GABRB3: variants seen among roughly 807,000 people sequenced by gnomAD.
GABRB3 encodes the protein gamma-aminobutyric acid type A receptor subunit beta3, also known as gamma-aminobutyric acid receptor subunit beta-3.
A neutral mutation model predicts 52.1 loss-of-function variants in GABRB3; 14 were observed. That is an observed-to-expected ratio of 0.27 (90% CI 0.18 to 0.42). The LOEUF (loss-of-function observed/expected upper bound fraction) is 0.42. GABRB3 is among the 10% of genes least tolerant of loss of function. GABRB3 has a pLI of 1.00. For synonymous variants in GABRB3, 260 were observed against 232.3 expected (o/e 1.12, Z -1.08); for missense variants, 307 against 609.1 (o/e 0.50, Z 5.22).
In GABRB3 at chr15:26,719,026, G is replaced by A. The variant is rs147173657; in HGVS notation, c.240+53376C>T. On this transcript the variant is annotated intron_variant, in intron 3 of 8. Coordinates refer to ENST00000311550, the MANE Select transcript of GABRB3 (RefSeq NM_000814.6). ...CAGGCCCCTCTGTGCATCTCCTCAT[G>A]GTCCCCACCGCCACCTGGCAAGTGG... Among the ~76,000 whole-genome samples the A allele has an allele frequency of 3.2e-3, 492 of 152,334 alleles. 5 individuals are homozygous for A. The highest frequency in any genetic ancestry group is 0.011 in the African/African-American group (449 of 41,580).
intron 4 of GABRB3, chr15:26,611,933 A>C (rs902519555): frequency 2.0e-5 from 3 of 152,216 alleles, no homozygotes; most frequent in African/African-American, 7.2e-5. Context: ...TTTCACATAA[A>C]TGTTCGCATT....
chr15:26,742,058 T>G (rs1165034721), intron 3 of GABRB3, among the ~76,000 whole-genome samples: 2 of 151,968 alleles, frequency 1.3e-5, no homozygotes, highest in African/African-American at 2.4e-5. Context: ...TTTTTTATAC[T>G]GGCCCCTTAT....
At chr15:26,561,868 T>C (rs1056107151) in intron 7 of GABRB3, among the ~76,000 whole-genome samples, 2 of 152,224 alleles carry the variant, frequency 1.3e-5, no homozygotes, top group African/African-American at 4.8e-5. Context: ...GCTTAGGAAA[T>C]GTTTGCTCAA....
chr15:26,582,100 A>G (rs1890811576), intron 5 of GABRB3, among the ~76,000 whole-genome samples: 4 of 152,188 alleles, frequency 2.6e-5, no homozygotes, highest in Admixed American at 2.6e-4. Context: ...CCCTTCTTCC[A>G]CTCAAATGAT....
chr15:26,617,861 T>C (rs1031570587), intron 4 of GABRB3, among the ~76,000 whole-genome samples: 2 of 151,600 alleles, frequency 1.3e-5, no homozygotes, highest in Admixed American at 6.6e-5. Flanking sequence ...AGCATTCTTA[T>C]ACACCAATAA....
chr15:26,761,895 C>T (rs1890833084), intron 3 of GABRB3, among the ~76,000 whole-genome samples: 1 of 152,110 alleles, frequency 6.6e-6, no homozygotes, highest in Non-Finnish European at 1.5e-5. Flanking sequence ...AGTGCAGTGG[C>T]GCGATCTCAG....
At chr15:26,693,593 T>C (rs1287716652) in intron 3 of GABRB3, among the ~76,000 whole-genome samples, 1 of 152,144 alleles carries the variant, frequency 6.6e-6, no homozygotes, top group East Asian at 1.9e-4. Context: ...ATCACTCCTG[T>C]TCTCACAACA....
intron 2 of GABRB3, 94 bp from the exon 3 acceptor site, chr15:26,772,563 C>A (rs1053163713): frequency 6.9e-7 from 1 of 1,451,194 alleles, no homozygotes; most frequent in African/African-American, 1.4e-5. Context: ...GGGGCGCGGG[C>A]GAAGGGCCCC....
At chr15:26,642,145 G>A (rs544520798) in intron 3 of GABRB3, among the ~76,000 whole-genome samples, 4 of 152,160 alleles carry the variant, frequency 2.6e-5, no homozygotes, top group South Asian at 2.1e-4. Context: ...CTTCTGCCTC[G>A]GTCTCCCAAA....
In GABRB3 at chr15:26,641,532, G is replaced by A. The variant is rs142144000; in HGVS notation, c.241-19998C>T. Among the ~76,000 whole-genome samples the A allele has an allele frequency of 2.6e-5, 4 of 152,354 alleles. No homozygotes were observed. In the South Asian group the frequency reaches 8.3e-4, roughly 32 times the overall value. ...GCATTCCTATGGAATACAAACTCTT[G>A]GTTAGAATGAAGGTTTCCAGCATTC... is the stretch of plus-strand genomic sequence containing the variant. On this transcript the variant is annotated intron_variant, in intron 3 of 8. Coordinates refer to ENST00000311550, the MANE Select transcript of GABRB3 (RefSeq NM_000814.6).
At chr15:26,769,983 A>AAAC (rs3917081) in intron 3 of GABRB3, among the ~76,000 whole-genome samples, 139,421 of 152,108 alleles carry the variant, frequency 0.92, 63,947 homozygotes, top group East Asian at 1. Context: ...TACTGTTCTC[A>AAAC]AACATTGACT....
chr15:26,565,168 T>TTGATGATGA (rs75317901), intron 7 of GABRB3, among the ~76,000 whole-genome samples: 10,802 of 151,054 alleles, frequency 0.072, 1,284 homozygotes, highest in African/African-American at 0.25. Context: ...GTCTGTTGTA[T>TTGATGATGA]TGATGATGAT....
intron 3 of GABRB3, among the ~76,000 whole-genome samples, chr15:26,692,347 G>A (rs1243808234): frequency 6.6e-6 from 1 of 151,872 alleles, no homozygotes; most frequent in Non-Finnish European, 1.5e-5. Context: ...GGTAGTTACA[G>A]CTAAACTACC....
intron 3 of GABRB3, among the ~76,000 whole-genome samples, chr15:26,732,089 GGATGGATAGAT>G (rs1271134689): frequency 6.6e-5 from 10 of 151,880 alleles, no homozygotes; most frequent in Admixed American, 6.6e-5. Context: ...ATGGGTGGAT[GGATGGATAGAT>G]GATGGATAGA....
chr15:26,633,449 C>T (rs959289448), intron 3 of GABRB3, among the ~76,000 whole-genome samples: 7 of 152,196 alleles, frequency 4.6e-5, no homozygotes, highest in South Asian at 2.1e-4. Context: ...CCTGTTATTA[C>T]GAACCTTGTT....
At chr15:26,704,509 T>A (rs978022505) in intron 3 of GABRB3, among the ~76,000 whole-genome samples, 1 of 152,230 alleles carries the variant, frequency 6.6e-6, no homozygotes, top group Non-Finnish European at 1.5e-5. Context: ...CACATTTTTT[T>A]AGTCTTTAAA....
At chr15:26,674,400 C>CAAAAAAAAAAAAAAAAA (rs55723767) in intron 3 of GABRB3, among the ~76,000 whole-genome samples, 2 of 86,786 alleles carry the variant, frequency 2.3e-5, no homozygotes, top group African/African-American at 4.8e-5. Flanking sequence ...GACTCAGTTT[C>CAAAAAAAAAAAAAAAAA]AAAAAAAAAA....
At chr15:26,566,771 G>A (rs900861690) in intron 7 of GABRB3, among the ~76,000 whole-genome samples, 3 of 152,012 alleles carry the variant, frequency 2.0e-5, no homozygotes, top group Non-Finnish European at 4.4e-5. Flanking sequence ...CTGGAACCCT[G>A]AATTCTTATG....
chr15:26,773,266 C>G (rs1463524711), upstream of GABRB3, among the ~76,000 whole-genome samples: 2 of 150,134 alleles, frequency 1.3e-5, no homozygotes, highest in Admixed American at 6.6e-5. Context: ...GCCCTGGGCG[C>G]TCCCCTCCCG....
Sources: allele counts gnomAD v4.1 joint callset (sites outside exome capture counted in the v4.1 genomes callset), GRCh38; gene constraint gnomAD v4.1.1; transcripts MANE v1.5; gene names NCBI Gene and HGNC (gene_info 2026-07-23, HGNC 2026-07-21).